SEPTIN11: variants seen among roughly 807,000 people sequenced by gnomAD.
SEPTIN11 encodes the protein septin 11.
A neutral mutation model predicts 51.4 loss-of-function variants in SEPTIN11; 25 were observed. That is an observed-to-expected ratio of 0.49 (90% CI 0.35 to 0.68). SEPTIN11 has a LOEUF of 0.68. Among genes scored for constraint, SEPTIN11 ranks in the 30% least tolerant of loss-of-function variants. The pLI, the probability that SEPTIN11 is intolerant of heterozygous loss-of-function variation, is 0.00. For synonymous variants in SEPTIN11, 174 were observed against 184.1 expected (o/e 0.95, Z 0.44); for missense variants, 381 against 520.8 (o/e 0.73, Z 2.61).
rs140442222 is a variant in SEPTIN11, at chr4:76,961,091, G to A, written c.27+11161G>A. The stretch of plus-strand genomic sequence containing the variant: ...GATAATGCTCAACCTCCATGACTGG[G>A]AGGATCTTGTCAGGCTCTTTTAACT... On this transcript the variant is annotated intron_variant, in intron 1 of 9. Transcript: ENST00000264893. Among the ~76,000 whole-genome samples, 186 of 152,256 alleles carry A rather than the reference G, an allele frequency of 1.2e-3. 1 individual carries two copies. Among genetic ancestry groups the A allele is most frequent in the African/African-American group, 4.2e-3 (176 of 41,546 alleles).
At position 77,024,773 on chromosome 4, in the gene SEPTIN11, AG is replaced by A. The variant is rs1296168881; in HGVS notation, c.954-3855del. ...TATCTGAGCAAGGCAGCCTGGTCTC[AG>A]TCCTGGCTCTGTTACTTCTTTGTGG... is the stretch of plus-strand genomic sequence containing the variant. On this transcript the variant is annotated intron_variant, in intron 7 of 9. Transcript: ENST00000264893. The surrounding 1 kb of genome is among the most constrained non-coding windows in gnomAD (Gnocchi z 4.2). Among the ~76,000 whole-genome samples the A allele has an allele frequency of 7.9e-5, 12 of 152,206 alleles. No individual in the cohort carries two copies. Among genetic ancestry groups the A allele is most frequent in the African/African-American group, 2.7e-4 (11 of 41,460 alleles).
At chr4:76,996,249 G>A (rs1000718492) in intron 1 of SEPTIN11, among the ~76,000 whole-genome samples, 176 bp from the exon 2 acceptor site, 2 of 152,214 alleles carry the variant, frequency 1.3e-5, no homozygotes, top group Non-Finnish European at 2.9e-5. Flanking sequence ...TGTGGAAAGA[G>A]CTTGGCTTTG....
rs144520198 is a variant in SEPTIN11, at chr4:77,026,466, C to T, written c.954-2163C>T. On this transcript the variant is annotated intron_variant, in intron 7 of 9. Coordinates refer to ENST00000264893, the MANE Select transcript of SEPTIN11 (RefSeq NM_018243.4). ...AATCAGCCTCTCCAGGACTGAACTT[C>T]GGACTCTGTATTTAGGGAAGTGTAT... Among the ~76,000 whole-genome samples the T allele has an allele frequency of 1.7e-4, 26 of 152,308 alleles. No individual in the cohort carries two copies. In the East Asian group the frequency reaches 3.1e-3, roughly 18 times the overall value.
rs779945546 is a variant in SEPTIN11, at chr4:77,028,644, T to A, written c.969T>A (p.Tyr323Ter). Residue 323 changes from tyrosine to a stop codon, truncating the protein, a stop_gained, in exon 8 of 10, where the codon TAT becomes TAA. Transcript: ENST00000264893. LOFTEE classifies it high-confidence loss of function. ...DSKPFSLQET[Y>*]EAKRNEFLGE... is the part of the protein sequence containing the mutation. Reference sequence around the variant, plus strand: ...TTTTCAATAGTCTTCAGGAGACATATGAAGCAAAAAGGAATGAATTCCTGG... The same window carrying A: ...TTTTCAATAGTCTTCAGGAGACATAAGAAGCAAAAAGGAATGAATTCCTGG... 2 of 1,611,848 alleles carry A rather than the reference T, an allele frequency of 1.2e-6. No homozygotes were observed. Among genetic ancestry groups the A allele is most frequent in the Non-Finnish European group, 1.7e-6 (2 of 1,179,174 alleles).
At chr4:77,030,996 C>T (rs749699707) in intron 9 of SEPTIN11, 26 bp downstream of exon 9, 14 of 1,575,288 alleles carry the variant, frequency 8.9e-6, no homozygotes, top group South Asian at 3.5e-5. Flanking sequence ...CCCCCTGTAT[C>T]GGGGACCTCT....
At position 77,038,089 on chromosome 4, in the gene SEPTIN11, C is replaced by G. The variant is rs1453501644; in HGVS notation, c.*3577C>G. ...TGTCCATTCCCACCCCTTTGCTTTGCCATTTGCAAGAGTCTGGAATTGTCA... is the reference window on the plus strand; with the variant it reads ...TGTCCATTCCCACCCCTTTGCTTTGGCATTTGCAAGAGTCTGGAATTGTCA... On this transcript the variant is annotated 3_prime_UTR_variant, in exon 10 of 10. Coordinates refer to ENST00000264893, the MANE Select transcript of SEPTIN11 (RefSeq NM_018243.4). The G allele has an allele frequency of 1.0e-6, 1 of 985,886 alleles. No individual in the cohort carries two copies. The highest frequency in any genetic ancestry group is 1.1e-4 in the East Asian group (1 of 8,816). The allele number at this position is 985,886 out of a possible 1,614,324, so 61.1% of individuals were successfully genotyped here. A position where few individuals can be genotyped will look rare whatever the true frequency, so the allele number is the denominator to read the frequency against.
At chr4:77,029,688 TC>T (rs1002009687) in intron 8 of SEPTIN11, among the ~76,000 whole-genome samples, 1 of 151,894 alleles carries the variant, frequency 6.6e-6, no homozygotes, top group African/African-American at 2.4e-5. Context: ...CTTTTCTTCT[TC>T]CCCTTCCTTC....
At chr4:77,009,540 A>T (rs1724716281) in intron 3 of SEPTIN11, among the ~76,000 whole-genome samples, 1 of 152,234 alleles carries the variant, frequency 6.6e-6, no homozygotes, top group South Asian at 2.1e-4. Context: ...TAATAAGAAC[A>T]GGTAGAAGGA....
chr4:77,017,237 C>T (rs1725367418), intron 5 of SEPTIN11, among the ~76,000 whole-genome samples: 1 of 152,216 alleles, frequency 6.6e-6, no homozygotes, highest in East Asian at 1.9e-4. Context: ...AAATAAAATA[C>T]CCAAGAATTT....
At chr4:77,029,996 C>T (rs905810765) in intron 8 of SEPTIN11, among the ~76,000 whole-genome samples, 3 of 152,102 alleles carry the variant, frequency 2.0e-5, no homozygotes, top group Non-Finnish European at 2.9e-5. Context: ...CAGTGGTTCA[C>T]GCCTGTAATC....
At chr4:77,029,340 G>T (rs1201279264) in intron 8 of SEPTIN11, among the ~76,000 whole-genome samples, 1 of 152,114 alleles carries the variant, frequency 6.6e-6, no homozygotes, top group Non-Finnish European at 1.5e-5. Flanking sequence ...ATTTGAGTGT[G>T]TGTGTGTGTG....
intron 2 of SEPTIN11, among the ~76,000 whole-genome samples, chr4:76,999,457 C>G (rs1158458805): frequency 6.6e-6 from 1 of 152,074 alleles, no homozygotes; most frequent in African/African-American, 2.4e-5. Flanking sequence ...CTCTTACTGC[C>G]CATTTGTATT....
At chr4:76,974,226 G>A (rs764853856) in intron 1 of SEPTIN11, among the ~76,000 whole-genome samples, 4 of 152,198 alleles carry the variant, frequency 2.6e-5, no homozygotes, top group African/African-American at 7.2e-5. Context: ...CAGATGTCCC[G>A]TGACTCTTCC....
chr4:76,975,113 CAA>C (rs200522921), intron 1 of SEPTIN11, among the ~76,000 whole-genome samples: 2 of 70,362 alleles, frequency 2.8e-5, no homozygotes, highest in Non-Finnish European at 2.9e-5. Context: ...GACTATGTTT[CAA>C]AAAAAAAAAA....
chr4:77,032,313 A>C (rs1032284672), intron 9 of SEPTIN11, among the ~76,000 whole-genome samples: 18 of 152,234 alleles, frequency 1.2e-4, no homozygotes, highest in Non-Finnish European at 2.4e-4. Flanking sequence ...GATCCAAGTG[A>C]CCAAAGGAGT....
intron 1 of SEPTIN11, among the ~76,000 whole-genome samples, chr4:76,952,553 A>C (rs1039028998): frequency 1.3e-5 from 2 of 152,140 alleles, no homozygotes. Context: ...CAAATGCACT[A>C]TTTTCTATCT....
At chr4:76,950,533 T>C (rs1267340354) in intron 1 of SEPTIN11, among the ~76,000 whole-genome samples, 1 of 152,014 alleles carries the variant, frequency 6.6e-6, no homozygotes, top group Non-Finnish European at 1.5e-5. Context: ...TCCCTTGTGG[T>C]GTGGGTGGAA....
rs1727162143 is a variant in SEPTIN11 at position 77,038,175 on chromosome 4, G to T, written c.*3663G>T. ...GGACACATTCTTTAGTGGGAATTAA[G>T]ACCTACAAAGTCTAGTTTGTATGTA... On this transcript the variant is annotated 3_prime_UTR_variant, in exon 10 of 10. Transcript: ENST00000264893. 1.0e-6 allele frequency: 1 copy of T among 985,632 alleles called. No homozygotes were observed. The highest frequency in any genetic ancestry group is 1.2e-6 in the Non-Finnish European group (1 of 829,860). The allele number at this position is 985,632 out of a possible 1,614,324, so 61.1% of individuals were successfully genotyped here.
Position 77,035,936 on chromosome 4 carries a change from A to G in SEPTIN11, c.*1424A>G. The G allele has an allele frequency of 1.0e-6, 1 of 985,888 alleles. No individual in the cohort carries two copies. The highest frequency in any genetic ancestry group is 1.7e-5 in the African/African-American group (1 of 57,368). The allele number at this position is 985,888 out of a possible 1,614,324, so 61.1% of individuals were successfully genotyped here. On this transcript the variant is annotated 3_prime_UTR_variant, in exon 10 of 10. Transcript: ENST00000264893. ...ACATGTAGAAAGGATAACATTTCTC[A>G]TGAACCCACTGCCCCTCTGCATTTT...
Sources: allele counts gnomAD v4.1 joint callset (sites outside exome capture counted in the v4.1 genomes callset), GRCh38; gene constraint gnomAD v4.1.1; non-coding constraint Gnocchi (gnomAD v3.1); transcripts MANE v1.5; gene names NCBI Gene and HGNC (gene_info 2026-07-23, HGNC 2026-07-21).